Variants in OSBPL10 observed in about 807,000 individuals in gnomAD.
The protein encoded by OSBPL10 is oxysterol binding protein like 10.
In OSBPL10, 49 loss-of-function variants were observed where a neutral mutation model predicts 81.7. The ratio of observed to expected loss-of-function variants is 0.60; its 90% confidence interval spans 0.48 to 0.76. OSBPL10 has a LOEUF of 0.76. Ranked by LOEUF, OSBPL10 falls within the 30% of genes least tolerant of loss-of-function variation. The pLI is 0.00. For synonymous variants in OSBPL10, 419 were observed against 383.6 expected (o/e 1.09, Z -1.08); for missense variants, 923 against 987.8 (o/e 0.93, Z 0.88).
intron 3 of OSBPL10, among the ~76,000 whole-genome samples, chr3:31,859,363 T>C (rs75096958): frequency 0.029 from 4,352 of 152,228 alleles, 221 homozygotes; most frequent in African/African-American, 0.1. Context: ...GGCGTAGAAG[T>C]TCCACGCCCC....
At chr3:31,726,994 C>T (rs983527022) in intron 6 of OSBPL10, among the ~76,000 whole-genome samples, 12 of 152,060 alleles carry the variant, frequency 7.9e-5, no homozygotes, top group African/African-American at 2.9e-4. Flanking sequence ...TCGGCACGTA[C>T]CCAGCTAATT....
At chr3:31,694,274 G>A (rs1695643776) in intron 7 of OSBPL10, among the ~76,000 whole-genome samples, 1 of 149,526 alleles carries the variant, frequency 6.7e-6, no homozygotes, top group South Asian at 2.1e-4. Flanking sequence ...AGGAGGCTGA[G>A]GCAGGAGAAT....
intron 5 of OSBPL10, among the ~76,000 whole-genome samples, chr3:31,746,309 C>T (rs948408155): frequency 1.3e-5 from 2 of 152,074 alleles, no homozygotes; most frequent in Admixed American, 1.3e-4. Context: ...AGGCAATGTG[C>T]GTTGTCTGTC....
At chr3:31,869,781 AT>A (rs1399691974) in intron 3 of OSBPL10, among the ~76,000 whole-genome samples, 1 of 152,194 alleles carries the variant, frequency 6.6e-6, no homozygotes, top group African/African-American at 2.4e-5. Context: ...CCATTTTCTA[AT>A]TTATAAAAAT....
chr3:31,819,226 C>T (rs2125501872), intron 4 of OSBPL10, among the ~76,000 whole-genome samples: 1 of 152,306 alleles, frequency 6.6e-6, no homozygotes, highest in African/African-American at 2.4e-5. Context: ...CCTACCCAGG[C>T]TGACAAACTA....
chr3:31,761,821 A>AAACAAAAAAC (rs1200086492), intron 4 of OSBPL10, among the ~76,000 whole-genome samples: 2 of 138,024 alleles, frequency 1.4e-5, no homozygotes, highest in Non-Finnish European at 1.5e-5. Context: ...TCTAAAAAAA[A>AAACAAAAAAC]AAAAAAAAAA....
chr3:31,748,107 A>G lies in OSBPL10; in HGVS notation c.743T>C (p.Val248Ala), dbSNP rs1697590143. ...CACAAGGTTCTTCTGCTGCCCTTCC[A>G]CCTGGTTCATCATCTACAAAACAAG... is the stretch of plus-strand genomic sequence containing the variant. ...LHEVREMMNQ[V>A]EGQQKNLVHA... is the part of the protein sequence containing the mutation. The change falls in exon 5 of 12, where the codon GTG becomes GCG. Residue 248 changes from valine (V) to alanine (A), a missense_variant. Val to Ala is a moderately conservative substitution (Grantham distance 64, BLOSUM62 0). Coordinates refer to ENST00000396556, the MANE Select transcript of OSBPL10 (RefSeq NM_017784.5). 1 of 1,612,722 alleles carries G rather than the reference A, an allele frequency of 6.2e-7. No individual in the cohort carries two copies. The highest frequency in any genetic ancestry group is 8.5e-7 in the Non-Finnish European group (1 of 1,179,428).
chr3:31,738,769 T>C (rs895395425), intron 5 of OSBPL10, among the ~76,000 whole-genome samples: 12 of 152,180 alleles, frequency 7.9e-5, no homozygotes, highest in Non-Finnish European at 1.5e-4. Context: ...TCCTACGCTA[T>C]GCACCATGTG....
At chr3:31,706,852 T>C (rs1696083363) in intron 6 of OSBPL10, among the ~76,000 whole-genome samples, 2 of 152,208 alleles carry the variant, frequency 1.3e-5, no homozygotes, top group African/African-American at 4.8e-5. Context: ...CTCATTTCCC[T>C]GTCACAGGCT....
At chr3:31,704,565 A>AGT (rs1695999653) in intron 6 of OSBPL10, 1 of 152,270 alleles carries the variant, frequency 6.6e-6, no homozygotes, top group Non-Finnish European at 1.5e-5. Context: ...CAACAGGAGA[A>AGT]GTAGCTCCAT....
intron 6 of OSBPL10, among the ~76,000 whole-genome samples, chr3:31,709,622 A>C (rs1307240734): frequency 6.6e-6 from 1 of 152,208 alleles, no homozygotes; most frequent in East Asian, 1.9e-4. Flanking sequence ...AAACCTAAAG[A>C]AAGTACAAAA....
chr3:31,662,222 C>T, intron 11 of OSBPL10, 106 bp from the exon 12 acceptor site: 8 of 1,573,100 alleles, frequency 5.1e-6, no homozygotes, highest in Non-Finnish European at 6.9e-6. Context: ...GTCTTAATAC[C>T]TCACACGCAG....
At chr3:31,841,639 G>A (rs555058165) in intron 3 of OSBPL10, among the ~76,000 whole-genome samples, 43 of 152,256 alleles carry the variant, frequency 2.8e-4, no homozygotes, top group Non-Finnish European at 5.0e-4. Flanking sequence ...CCAACTAATT[G>A]GATGTCCCAC....
intron 1 of OSBPL10, among the ~76,000 whole-genome samples, chr3:31,891,768 A>G (rs1695900572): frequency 6.6e-6 from 1 of 152,216 alleles, no homozygotes; most frequent in Admixed American, 6.5e-5. Context: ...GTTCTGTGAT[A>G]TGAATAAAGC....
At chr3:31,782,097 A>C (rs1698711442) in intron 4 of OSBPL10, among the ~76,000 whole-genome samples, 1 of 152,250 alleles carries the variant, frequency 6.6e-6, no homozygotes, top group African/African-American at 2.4e-5. Context: ...ACTGGTATAA[A>C]AATATGCACA....
intron 6 of OSBPL10, chr3:31,732,876 A>G: frequency 3.9e-6 from 1 of 259,490 alleles, no homozygotes; most frequent in Non-Finnish European, 7.4e-6. Context: ...AAGAGCTTGT[A>G]TCAGCAGGAA....
intron 5 of OSBPL10, among the ~76,000 whole-genome samples, chr3:31,746,738 C>A (rs1697533812): frequency 6.7e-6 from 1 of 150,260 alleles, no homozygotes; most frequent in Non-Finnish European, 1.5e-5. Context: ...AAACCAAACA[C>A]CGCATGTTCT....
rs1306856594 is a variant in OSBPL10 at position 31,664,145 on chromosome 3, T to C, written c.2184A>G (p.Gln728=). ...TEQKRHLEEK[Q]RVEERKRENL... is the part of the protein sequence containing the mutation. ...TCTCGCGCTTCCGTTCCTCCACCCG[T>C]TGCTTCTCCTCCAGGTGCCGCTTCT... The change falls in exon 11 of 12, where the codon CAA becomes CAG. Residue 728 remains glutamine, a synonymous_variant. Transcript: ENST00000396556. 1 of 1,613,858 alleles carries C rather than the reference T, an allele frequency of 6.2e-7. No individual in the cohort carries two copies. Among genetic ancestry groups the C allele is most frequent in the Non-Finnish European group, 8.5e-7 (1 of 1,179,994 alleles).
At chr3:32,032,154 C>T (rs1417598404) in intron 2 of OSBPL10, among the ~76,000 whole-genome samples, 3 of 152,160 alleles carry the variant, frequency 2.0e-5, no homozygotes, top group African/African-American at 7.2e-5. Flanking sequence ...CATGAAAGCT[C>T]ATGCCTGTAA....
Sources: allele counts gnomAD v4.1 joint callset (sites outside exome capture counted in the v4.1 genomes callset), GRCh38; gene constraint gnomAD v4.1.1; transcripts MANE v1.5; gene names NCBI Gene and HGNC (gene_info 2026-07-23, HGNC 2026-07-21).